The following ALKBH1 variants were observed in gnomAD, a reference collection of about 807,000 sequenced individuals.
ALKBH1 encodes nucleic acid dioxygenase ALKBH1.
ALKBH1 carries 31 observed loss-of-function variants against 36.6 expected under a neutral mutation model. That is an observed-to-expected ratio of 0.85 (90% CI 0.64 to 1.14). The LOEUF (loss-of-function observed/expected upper bound fraction) is 1.14. Ranked by LOEUF, ALKBH1 falls within the 50% of genes most tolerant of loss-of-function variation. ALKBH1 has a pLI of 0.00. For missense variants in ALKBH1, 490 were observed against 497.3 expected, an observed-to-expected ratio of 0.99 and a Z score of 0.14; for synonymous variants, 183 against 186.6, an observed-to-expected ratio of 0.98 and a Z score of 0.16.
chr14:77,705,384 C>G (rs2080382919), intron 1 of ALKBH1, among the ~76,000 whole-genome samples: 2 of 142,826 alleles, frequency 1.4e-5, no homozygotes, highest in African/African-American at 2.6e-5. Context: ...GTACTCCAGC[C>G]TAGGAACAGA....
chr14:77,706,531 T>C (rs1225285369), intron 1 of ALKBH1, among the ~76,000 whole-genome samples: 2 of 152,188 alleles, frequency 1.3e-5, no homozygotes, highest in Non-Finnish European at 2.9e-5. Context: ...CTTCTCTTAA[T>C]TACTACTTTA....
At chr14:77,676,451 A>G (rs2080206580) in intron 4 of ALKBH1, among the ~76,000 whole-genome samples, 1 of 152,178 alleles carries the variant, frequency 6.6e-6, no homozygotes, top group Non-Finnish European at 1.5e-5. Context: ...AGACAGTTCT[A>G]TTAGGGTAAA....
At position 77,679,886 on chromosome 14, in the gene ALKBH1, G is replaced by C. The variant is rs2080227403; in HGVS notation, c.540C>G (p.Asp180Glu). ...ATTAAGAAAACCTGAATACCTTACT[G>C]TCCCAGTTATAATGGTAGCCTACGG... ...WVTVGYHYNW[D>E]SKKYSADHYT... is the part of the protein sequence containing the mutation. The change falls in exon 4 of 6, where the codon GAC becomes GAG. Residue 180 changes from aspartate (D) to glutamate (E), a missense_variant. By Grantham distance (45) the Asp-to-Glu change is conservative. Transcript: ENST00000216489. The C allele has an allele frequency of 1.2e-6, 2 of 1,613,594 alleles. No homozygotes were observed. The highest frequency in any genetic ancestry group is 2.7e-5 in the African/African-American group (2 of 75,034).
chr14:77,685,234 G>A (rs1160545543), intron 3 of ALKBH1, among the ~76,000 whole-genome samples: 1 of 152,078 alleles, frequency 6.6e-6, no homozygotes, highest in Non-Finnish European at 1.5e-5. Context: ...CTTAAGGCTA[G>A]GAGTTCAAGA....
intron 2 of ALKBH1, among the ~76,000 whole-genome samples, chr14:77,702,798 C>A (rs2080366636): frequency 1.3e-5 from 2 of 151,986 alleles, no homozygotes; most frequent in East Asian, 3.9e-4. Context: ...AAGCAATCCT[C>A]CTACCTCAGT....
At chr14:77,705,999 G>A (rs975084602) in intron 1 of ALKBH1, among the ~76,000 whole-genome samples, 3 of 152,102 alleles carry the variant, frequency 2.0e-5, no homozygotes, top group Non-Finnish European at 2.9e-5. Flanking sequence ...AGGTTGCAGT[G>A]AGCCAAGATC....
intron 3 of ALKBH1, among the ~76,000 whole-genome samples, chr14:77,690,324 C>T (rs540500692): frequency 1.3e-5 from 2 of 152,374 alleles, no homozygotes; most frequent in Admixed American, 1.3e-4. Flanking sequence ...ATTGGCCTTA[C>T]AGCCATGGTT....
At position 77,707,982 on chromosome 14, in the gene ALKBH1, A is replaced by C. The variant is rs779887076; in HGVS notation, c.23T>G (p.Val8Gly). ...AGTCGCCAGAGTCGCCACAGAGCCC[A>C]CGGCCGCTGCCATCTTCCCCATCTC... MGKMAAA[V>G]GSVATLATEP... is the part of the protein sequence containing the mutation. Residue 8 changes from valine (V) to glycine (G), a missense_variant, in exon 1 of 6, where the codon GTG becomes GGG. Transcript: ENST00000216489. 9 of 1,611,348 alleles carry C rather than the reference A, an allele frequency of 5.6e-6. No individual in the cohort carries two copies. Among genetic ancestry groups the C allele is most frequent in the Non-Finnish European group, 5.9e-6 (7 of 1,178,666 alleles).
chr14:77,692,756 CATT>C (rs2080304372), intron 3 of ALKBH1, among the ~76,000 whole-genome samples: 1 of 151,986 alleles, frequency 6.6e-6, no homozygotes, highest in South Asian at 2.1e-4. Context: ...TGACCATTCC[CATT>C]ATATCTTATA....
At chr14:77,683,236 A>AGCTCAG in intron 3 of ALKBH1, 1 of 758,576 alleles carries the variant, frequency 1.3e-6, no homozygotes, top group Non-Finnish European at 2.4e-6. Context: ...AGGTTCCAGC[A>AGCTCAG]GCTCAGGCTC....
intron 2 of ALKBH1, among the ~76,000 whole-genome samples, chr14:77,695,383 T>A (rs1046826674): frequency 4.6e-5 from 7 of 152,208 alleles, no homozygotes; most frequent in Non-Finnish European, 1.0e-4. Context: ...CTTAGCTTCA[T>A]AATATGGGGC....
At chr14:77,693,668 T>C (rs539471117) in intron 3 of ALKBH1, among the ~76,000 whole-genome samples, 16 of 152,144 alleles carry the variant, frequency 1.1e-4, no homozygotes, top group Middle Eastern at 3.4e-3. Flanking sequence ...AAATGGACAG[T>C]GAAAGGAGGA....
intron 3 of ALKBH1, among the ~76,000 whole-genome samples, chr14:77,693,075 G>A (rs528354543): frequency 2.0e-5 from 3 of 151,750 alleles, no homozygotes; most frequent in South Asian, 2.1e-4. Flanking sequence ...GTGTGGTGGC[G>A]CTTGCCTGTA....
intron 3 of ALKBH1, among the ~76,000 whole-genome samples, chr14:77,684,274 A>C (rs1274820153): frequency 6.6e-6 from 1 of 152,180 alleles, no homozygotes; most frequent in Non-Finnish European, 1.5e-5. Flanking sequence ...CAGGAATTAC[A>C]CTTTGAAAAC....
chr14:77,699,437 T>C (rs2080346499), intron 2 of ALKBH1, among the ~76,000 whole-genome samples: 1 of 152,222 alleles, frequency 6.6e-6, no homozygotes, highest in South Asian at 2.1e-4. Flanking sequence ...TCCTAAGTCA[T>C]TAATTATAGT....
At chr14:77,707,070 T>A (rs987224093) in intron 1 of ALKBH1, among the ~76,000 whole-genome samples, 12 of 152,218 alleles carry the variant, frequency 7.9e-5, no homozygotes, top group South Asian at 2.1e-4. Context: ...AAATAATTTT[T>A]AAAAAATCTA....
At chr14:77,694,999 C>T (rs1326082861) in intron 2 of ALKBH1, 99 bp from the exon 3 acceptor site, 2 of 1,069,536 alleles carry the variant, frequency 1.9e-6, no homozygotes, top group Non-Finnish European at 2.5e-6. Context: ...TTGTTATTTA[C>T]TCCCCATATT....
chr14:77,690,330 TG>T (rs2080290439), intron 3 of ALKBH1, among the ~76,000 whole-genome samples: 1 of 152,238 alleles, frequency 6.6e-6, no homozygotes, highest in Non-Finnish European at 1.5e-5. Flanking sequence ...CTTACAGCCA[TG>T]GTTAAGAATT....
rs2080188664 is a variant in ALKBH1, at chr14:77,673,728, G to T, written c.*84C>A. 1 of 1,396,970 alleles carries T rather than the reference G, an allele frequency of 7.2e-7. No homozygotes were observed. The highest frequency in any genetic ancestry group is 9.8e-7 in the Non-Finnish European group (1 of 1,020,048). 86.5% of individuals were successfully genotyped at this position (1,396,970 alleles called of 1,614,324 possible). ...CTGTCTCTGTTTTTGGCTTGTCTGG[G>T]TGCTGAAGTCCACGGCAATACACAA... On this transcript the variant is annotated 3_prime_UTR_variant, in exon 6 of 6. Coordinates refer to ENST00000216489, the MANE Select transcript of ALKBH1 (RefSeq NM_006020.3).
Sources: allele counts gnomAD v4.1 joint callset (sites outside exome capture counted in the v4.1 genomes callset), GRCh38; gene constraint gnomAD v4.1.1; transcripts MANE v1.5; gene names NCBI Gene and HGNC (gene_info 2026-07-23, HGNC 2026-07-21).